Variants in RPN2 observed in about 807,000 individuals in gnomAD.
RPN2 encodes ribophorin II.
Under a neutral mutation model 71.4 loss-of-function variants are expected in RPN2, and 29 were observed. The observed-to-expected ratio is 0.41, with a 90% CI of 0.30 to 0.55. RPN2 has a LOEUF of 0.55. Among genes scored for constraint, RPN2 ranks in the 20% least tolerant of loss-of-function variants. The probability of loss-of-function intolerance (pLI) is 0.35; values close to 1 mark genes in which losing one functional copy is unlikely to be tolerated. For synonymous variants in RPN2, 308 were observed against 305.0 expected (o/e 1.01, Z -0.10); for missense variants, 726 against 774.1 (o/e 0.94, Z 0.74).
chr20:37,179,667 T>C, intron 1 of RPN2: 1 of 438,234 alleles, frequency 2.3e-6, no homozygotes, highest in Non-Finnish European at 3.6e-6. Flanking sequence ...CCTCATTCAT[T>C]TCACTCGCGC....
intron 1 of RPN2, among the ~76,000 whole-genome samples, chr20:37,182,630 A>G (rs554848965): frequency 4.6e-5 from 7 of 152,296 alleles, no homozygotes; most frequent in Admixed American, 2.6e-4. Flanking sequence ...TCCTGGGCTC[A>G]AGCATCCGCC....
chr20:37,184,946 G>T (rs750080275), intron 2 of RPN2, among the ~76,000 whole-genome samples: 1 of 152,158 alleles, frequency 6.6e-6, no homozygotes, highest in Non-Finnish European at 1.5e-5. Flanking sequence ...AGCTCTGGGA[G>T]TGAGACTGTC....
In RPN2 at chr20:37,198,478, C is replaced by G. The variant is rs1276714205; in HGVS notation, c.289C>G (p.Leu97Val). 1.2e-6 allele frequency: 2 copies of G among 1,614,164 alleles called. No homozygotes were observed. The highest frequency in any genetic ancestry group is 2.2e-5 in the East Asian group (1 of 44,884). ...LFYAAQASQA[L>V]SGCEISISNE... Reference sequence around the variant, plus strand: ...CTACGCTGCCCAGGCCAGCCAGGCCCTCTCAGGATGTGAGGTGAGTCCGGG... The same window carrying G: ...CTACGCTGCCCAGGCCAGCCAGGCCGTCTCAGGATGTGAGGTGAGTCCGGG... The change falls in exon 3 of 17, where the codon CTC becomes GTC. Residue 97 changes from leucine to valine, a missense_variant. Physicochemically the swap from Leu to Val is conservative, Grantham distance 32. Transcript: ENST00000237530.
intron 4 of RPN2, chr20:37,200,535 T>C (rs191271005): frequency 5.5e-5 from 28 of 507,498 alleles, no homozygotes; most frequent in Admixed American, 3.5e-4. Context: ...AGTGAGATTG[T>C]TTCCCAGGTT....
In RPN2 at chr20:37,207,464, C is replaced by T. The variant is rs1252752906; in HGVS notation, c.867+15C>T. 6.8e-6 allele frequency: 11 copies of T among 1,612,678 alleles called. No individual in the cohort carries two copies. In the East Asian group the frequency reaches 2.2e-4, roughly 33 times the overall value. On this transcript the variant is annotated intron_variant, in intron 7 of 16. Transcript: ENST00000237530. ...CTATCTTGCGGGTAAGACATCCATG[C>T]CCAAAGTGTGCCCCTCTGATTATCA... is the stretch of plus-strand genomic sequence containing the variant.
intron 14 of RPN2, among the ~76,000 whole-genome samples, chr20:37,233,796 G>T (rs2068311513): frequency 6.6e-6 from 1 of 152,174 alleles, no homozygotes; most frequent in Admixed American, 6.5e-5. Context: ...AGTTACACGA[G>T]CCCATTTGAG....
chr20:37,233,172 A>G (rs1463472905), intron 14 of RPN2, among the ~76,000 whole-genome samples: 2 of 152,152 alleles, frequency 1.3e-5, no homozygotes. Context: ...GCAGTGAGCC[A>G]TGCATTCTAA....
chr20:37,197,105 G>A lies in RPN2; in HGVS notation c.208-1292G>A, dbSNP rs1032513069. ...GGGTCAAACACGTCAAATGGCGAGA[G>A]CGTGGTATAGCTGCAGGAGGCTAGA... On this transcript the variant is annotated intron_variant, in intron 2 of 16. Coordinates refer to ENST00000237530, the MANE Select transcript of RPN2 (RefSeq NM_002951.5). 2.0e-5 allele frequency among the ~76,000 whole-genome samples: 3 copies of A among 152,192 alleles called. No individual in the cohort carries two copies. In the East Asian group the frequency reaches 5.8e-4, roughly 29 times the overall value.
At chr20:37,199,484 A>G (rs1173498769) in intron 4 of RPN2, among the ~76,000 whole-genome samples, 1 of 152,244 alleles carries the variant, frequency 6.6e-6, no homozygotes, top group Admixed American at 6.5e-5. Flanking sequence ...GCATGAGCAC[A>G]CCACCACCTA....
At chr20:37,225,613 G>A (rs2068056539) in intron 10 of RPN2, 75 bp from the exon 11 acceptor site, 3 of 943,390 alleles carry the variant, frequency 3.2e-6, no homozygotes, top group East Asian at 4.8e-5. Context: ...GCAATGAAGT[G>A]AAGTATATAT....
At chr20:37,213,549 C>A (rs2067728386) in intron 8 of RPN2, among the ~76,000 whole-genome samples, 1 of 151,972 alleles carries the variant, frequency 6.6e-6, no homozygotes, top group African/African-American at 2.4e-5. Flanking sequence ...GTGATCGTGC[C>A]ACTATACTCC....
chr20:37,201,171 G>A (rs1282394313), intron 4 of RPN2, among the ~76,000 whole-genome samples: 2 of 151,530 alleles, frequency 1.3e-5, no homozygotes, highest in African/African-American at 4.9e-5. Context: ...TGTAGGAAAC[G>A]GAGTTCCTTT....
In RPN2 at chr20:37,232,291, G is replaced by A. The variant is rs1489711048; in HGVS notation, c.1582-5G>A. On this transcript the variant is annotated splice_polypyrimidine_tract_variant and splice_region_variant and intron_variant, in intron 13 of 16. Coordinates refer to ENST00000237530, the MANE Select transcript of RPN2 (RefSeq NM_002951.5). The stretch of plus-strand genomic sequence containing the variant: ...CTTAAGTCTTCTTGGTGTGTCTTTC[G>A]GCAGCACCTGTTCCGCGAGCCTGAG... The A allele has an allele frequency of 1.9e-6, 3 of 1,614,008 alleles. No individual in the cohort carries two copies. Among genetic ancestry groups the A allele is most frequent in the Admixed American group, 1.7e-5 (1 of 60,000 alleles).
intron 16 of RPN2, among the ~76,000 whole-genome samples, chr20:37,237,982 A>G (rs1244284038): frequency 6.6e-6 from 1 of 152,218 alleles, no homozygotes; most frequent in Non-Finnish European, 1.5e-5. Flanking sequence ...GCTTGAGCTC[A>G]GGAGTTGGAG....
chr20:37,225,877 C>T, intron 11 of RPN2, 75 bp downstream of exon 11: 2 of 1,019,740 alleles, frequency 2.0e-6, no homozygotes, highest in Non-Finnish European at 1.5e-6. Context: ...TGGTCTATAA[C>T]ATGGACTAGA....
At chr20:37,200,085 C>G (rs974834096) in intron 4 of RPN2, among the ~76,000 whole-genome samples, 41 of 152,050 alleles carry the variant, frequency 2.7e-4, no homozygotes, top group Non-Finnish European at 5.9e-5. Flanking sequence ...ACCTCCGCCT[C>G]CCGGGTTCAA....
At chr20:37,222,717 AAGGCTTAC>A (rs1345521395) in intron 9 of RPN2, among the ~76,000 whole-genome samples, 7 of 152,252 alleles carry the variant, frequency 4.6e-5, no homozygotes, top group Non-Finnish European at 8.8e-5. Flanking sequence ...AAATATTTGG[AAGGCTTAC>A]AGATCTGTTT....
chr20:37,207,155 C>G (rs1286453758), intron 6 of RPN2, 118 bp from the exon 7 acceptor site: 3 of 792,528 alleles, frequency 3.8e-6, no homozygotes, highest in Non-Finnish European at 4.4e-6. Flanking sequence ...GGATCATTGA[C>G]CAAAAGACCT....
chr20:37,181,617 C>T (rs1351695010), intron 1 of RPN2, among the ~76,000 whole-genome samples: 3 of 152,060 alleles, frequency 2.0e-5, no homozygotes, highest in Admixed American at 1.3e-4. Context: ...TGGGGTTTCA[C>T]CATGTTGGCC....
Sources: gnomAD v4.1 joint callset for allele counts (sites outside exome capture counted in the v4.1 genomes callset) on GRCh38, gnomAD v4.1.1 for gene constraint, MANE v1.5 for transcripts, NCBI Gene and HGNC (gene_info 2026-07-23, HGNC 2026-07-21) for gene names.